Variants in SHANK1 observed in about 807,000 individuals in gnomAD.
SHANK1 encodes the protein SH3 and multiple ankyrin repeat domains 1.
A neutral mutation model predicts 165.6 loss-of-function variants in SHANK1; 35 were observed. The ratio of observed to expected loss-of-function variants is 0.21; its 90% CI spans 0.16 to 0.28. SHANK1 has a LOEUF of 0.28. Among genes scored for constraint, SHANK1 ranks in the 10% least tolerant of loss-of-function variants. SHANK1 has a pLI of 1.00. For missense variants in SHANK1, 2,681 were observed against 3,036.4 expected, an observed-to-expected ratio of 0.88 and a Z score of 2.75; for synonymous variants, 1,428 against 1,384.8, an observed-to-expected ratio of 1.03 and a Z score of -0.69.
At position 50,668,136 on chromosome 19, in the gene SHANK1, C is replaced by T; in HGVS notation, c.3824G>A (p.Gly1275Glu). The change falls in exon 23 of 24, where the codon GGG becomes GAG. Residue 1275 changes from glycine to glutamate, a missense_variant. Around this residue, in one of 10 missense-constraint regions of SHANK1, gnomAD observed 1,713 missense variants for 1,630.2 expected, o/e 1.05. Transcript: ENST00000293441. ...EDGGDGGLGT[G>E]AAPGPRLRHS... Reference sequence around the variant, plus strand: ...GCGCAGCCGCGGGCCCGGGGCCGCCCCTGTGCCCAGCCCGCCGTCCCCGCC... The same window carrying T: ...GCGCAGCCGCGGGCCCGGGGCCGCCTCTGTGCCCAGCCCGCCGTCCCCGCC... 6.8e-7 allele frequency: 1 copy of T among 1,471,582 alleles called. No homozygotes were observed. The allele number at this position is 1,471,582 out of a possible 1,614,324, so 91.2% of individuals were successfully genotyped here. A position where few individuals can be genotyped will look rare whatever the true frequency, so the allele number is the denominator to read the frequency against.
intron 21 of SHANK1, among the ~76,000 whole-genome samples, chr19:50,674,289 T>C (rs1015196210): frequency 1.3e-5 from 2 of 152,040 alleles, no homozygotes; most frequent in African/African-American, 4.8e-5. Flanking sequence ...GTCAGGCACT[T>C]CGGGGCCCTG....
chr19:50,677,509 C>T (rs1007015263), intron 21 of SHANK1, among the ~76,000 whole-genome samples: 34 of 152,286 alleles, frequency 2.2e-4, no homozygotes, highest in African/African-American at 7.5e-4. Flanking sequence ...CCCTCAGGTG[C>T]AGCAGAACCC....
chr19:50,710,731 C>G (rs571674965), intron 8 of SHANK1, among the ~76,000 whole-genome samples: 2 of 152,346 alleles, frequency 1.3e-5, no homozygotes, highest in East Asian at 3.9e-4. Flanking sequence ...TGCTAAAACT[C>G]CCATCCCACT....
In SHANK1 at chr19:50,702,717, G is replaced by A; in HGVS notation, c.1554-57C>T. 1 of 1,145,802 alleles carries A rather than the reference G, an allele frequency of 8.7e-7. No homozygotes were observed. Among genetic ancestry groups the A allele is most frequent in the Non-Finnish European group, 1.2e-6 (1 of 820,896 alleles). 71.0% of individuals were successfully genotyped at this position (1,145,802 alleles called of 1,614,324 possible). ...GGGTGGAGGGAGGGGACACCTCTGG[G>A]AGGACAGGGGTCCTTGGGTGGGGGA... On this transcript the variant is annotated intron_variant, in intron 11 of 23. Coordinates refer to ENST00000293441, the MANE Select transcript of SHANK1 (RefSeq NM_016148.5). The surrounding 1 kb of genome is among the most constrained non-coding windows in gnomAD (Gnocchi z 5.3).
Position 50,702,621 on chromosome 19 carries a change from C to T in SHANK1, c.1593G>A (p.Thr531=), listed in dbSNP as rs574357081. 95 of 1,587,280 alleles carry T rather than the reference C, an allele frequency of 6.0e-5. No individual in the cohort carries two copies. The African/African-American group carries it at 8.3e-4, about 14-fold the overall frequency. The change falls in exon 12 of 24, where the codon ACG becomes ACA. Residue 531 remains threonine (T), a synonymous_variant. Coordinates refer to ENST00000293441, the MANE Select transcript of SHANK1 (RefSeq NM_016148.5). The surrounding 1 kb of genome is among the most constrained non-coding windows in gnomAD (Gnocchi z 5.3). ...AGCCCCCGGGGCCCCCTGAGCCCCC[C>T]GTGCCCCCGGCTGGCCCTTCCCGGG... The part of the protein sequence containing the change: ...GTPREGPAGG[T]GGSGGPGGSL...
Position 50,668,120 on chromosome 19 carries a change from C to T in SHANK1, c.3840G>A (p.Pro1280=), listed in dbSNP as rs887704440. Residue 1280 remains proline (P), a synonymous_variant, in exon 23 of 24, where the codon CCG becomes CCA. Coordinates refer to ENST00000293441, the MANE Select transcript of SHANK1 (RefSeq NM_016148.5). ...GGLGTGAAPG[P]RLRHSKSIDE... ...CGATGGATTTGGAGTGGCGCAGCCG[C>T]GGGCCCGGGGCCGCCCCTGTGCCCA... is the stretch of plus-strand genomic sequence containing the variant. 2.0e-6 allele frequency: 3 copies of T among 1,475,440 alleles called. No individual in the cohort carries two copies. Among genetic ancestry groups the T allele is most frequent in the Non-Finnish European group, 2.7e-6 (3 of 1,119,022 alleles). The allele number at this position is 1,475,440 out of a possible 1,614,324, so 91.4% of individuals were successfully genotyped here.
At chr19:50,701,869 A>G (rs1986926239) in intron 12 of SHANK1, among the ~76,000 whole-genome samples, 2 of 152,218 alleles carry the variant, frequency 1.3e-5, no homozygotes, top group Admixed American at 1.3e-4. Context: ...TTCCAGATGA[A>G]GGTGGAAAAA....
chr19:50,686,711 G>T lies in SHANK1; in HGVS notation c.2458+33C>A. ...GCAGCGGGTGCCGGGGCTGGGGCCC[G>T]GCATCCCGAGGAGCAGGGCTGGGCC... On this transcript the variant is annotated intron_variant, in intron 20 of 23. Transcript: ENST00000293441. The surrounding 1 kb of genome is among the most constrained non-coding windows in gnomAD (Gnocchi z 5.7). The T allele has an allele frequency of 6.3e-7, 1 of 1,599,274 alleles. No homozygotes were observed. The highest frequency in any genetic ancestry group is 8.6e-7 in the Non-Finnish European group (1 of 1,168,032).
Position 50,716,481 on chromosome 19 carries a change from G to A in SHANK1, c.256-3C>T, listed in dbSNP as rs368597821. ...TCGGGGTTGAAGCGAAGGCATTTCT[G>A]GTTGGGGAAGAGATAGGGGCTAGGG... On this transcript the variant is annotated splice_polypyrimidine_tract_variant and splice_region_variant and intron_variant, in intron 2 of 23. Transcript: ENST00000293441. This position sits in a 1 kb window ranked among gnomAD's most constrained non-coding sequence, Gnocchi z 8.4. The A allele has an allele frequency of 6.8e-6, 11 of 1,613,988 alleles. No individual in the cohort carries two copies. The highest frequency in any genetic ancestry group is 1.3e-5 in the African/African-American group (1 of 75,032).
intron 21 of SHANK1, among the ~76,000 whole-genome samples, chr19:50,680,201 G>A (rs1335204870): frequency 6.6e-6 from 1 of 152,014 alleles, no homozygotes; most frequent in Non-Finnish European, 1.5e-5. Context: ...AGACAGAGAT[G>A]GGGCCTAGAA....
rs928754041 is a variant in SHANK1 at position 50,713,211 on chromosome 19, G to A, written c.792+587C>T. ...GTGAAGAGCAATCAGGTGTCCTGGCGGGGGCAGGGGGAGAAGAGTATTTTA... is the reference window on the plus strand; with the variant it reads ...GTGAAGAGCAATCAGGTGTCCTGGCAGGGGCAGGGGGAGAAGAGTATTTTA... On this transcript the variant is annotated intron_variant, in intron 6 of 23. Coordinates refer to ENST00000293441, the MANE Select transcript of SHANK1 (RefSeq NM_016148.5). The surrounding 1 kb of genome is among the most constrained non-coding windows in gnomAD (Gnocchi z 6.2). Among the ~76,000 whole-genome samples, 1 of 152,170 alleles carries A rather than the reference G, an allele frequency of 6.6e-6. No individual in the cohort carries two copies. The highest frequency in any genetic ancestry group is 1.5e-5 in the Non-Finnish European group (1 of 68,036).
intron 21 of SHANK1, among the ~76,000 whole-genome samples, chr19:50,676,523 G>A (rs147442123): frequency 3.3e-4 from 50 of 152,170 alleles, no homozygotes; most frequent in Middle Eastern, 3.4e-3. Flanking sequence ...GTTGAGGTTA[G>A]ACAGGTGATA....
At chr19:50,665,339 T>C (rs1985436330) in intron 23 of SHANK1, among the ~76,000 whole-genome samples, 1 of 151,742 alleles carries the variant, frequency 6.6e-6, no homozygotes, top group African/African-American at 2.4e-5. Flanking sequence ...CGAGGTGGGA[T>C]GAATCACCTT....
In SHANK1 at chr19:50,666,219, T is replaced by C; in HGVS notation, c.5741A>G (p.Glu1914Gly). 6.2e-7 allele frequency: 1 copy of C among 1,605,546 alleles called. No individual in the cohort carries two copies. The highest frequency in any genetic ancestry group is 8.5e-7 in the Non-Finnish European group (1 of 1,176,796). The change falls in exon 23 of 24, where the codon GAG (glutamate) becomes GGG (glycine). Residue 1914 changes from glutamate to glycine, a missense_variant. Glu to Gly is a moderately conservative substitution (Grantham distance 98, BLOSUM62 -2). Coordinates refer to ENST00000293441, the MANE Select transcript of SHANK1 (RefSeq NM_016148.5). ...CTGCCGCTGCAGGGAGGAGGTCCTC[T>C]CGGGGACATAGCTGGCTCCCCCGTG... ...SHHGGASYVP[E>G]RTSSLQRQRL... is the part of the protein sequence containing the mutation.
chr19:50,696,737 G>A (rs1178957522), intron 15 of SHANK1, among the ~76,000 whole-genome samples: 1 of 152,094 alleles, frequency 6.6e-6, no homozygotes, highest in African/African-American at 2.4e-5. Flanking sequence ...CATGCACAGA[G>A]AGGGACGGAT....
intron 15 of SHANK1, among the ~76,000 whole-genome samples, chr19:50,689,674 A>G (rs921292460): frequency 5.3e-5 from 8 of 152,092 alleles, no homozygotes; most frequent in South Asian, 2.1e-4. Flanking sequence ...CAGTTCCCTC[A>G]TCTATAATGG....
chr19:50,686,648 GGT>G lies in SHANK1; in HGVS notation c.2458+94_2458+95del. ...GATCGCAGCCTCTCTGGGGCAGGAA[GGT>G]GAGGGGCGCCGTGGGGTTCATGGTG... On this transcript the variant is annotated intron_variant, in intron 20 of 23. Transcript: ENST00000293441. The surrounding 1 kb of genome is among the most constrained non-coding windows in gnomAD (Gnocchi z 5.7). The G allele has an allele frequency of 8.4e-7, 1 of 1,196,130 alleles. No individual in the cohort carries two copies. Among genetic ancestry groups the G allele is most frequent in the Non-Finnish European group, 1.2e-6 (1 of 827,840 alleles). 74.1% of individuals were successfully genotyped at this position (1,196,130 alleles called of 1,614,324 possible).
rs13344266 is a variant in SHANK1 at position 50,706,807 on chromosome 19, C to T, written c.1078-2293G>A. Reference sequence around the variant, plus strand: ...TTAAAATTTTTTTGAGATGGAGTTTCGCTCTTGTCACCCAGGCTGGAGTGC... The same window carrying T: ...TTAAAATTTTTTTGAGATGGAGTTTTGCTCTTGTCACCCAGGCTGGAGTGC... On this transcript the variant is annotated intron_variant, in intron 8 of 23. Coordinates refer to ENST00000293441, the MANE Select transcript of SHANK1 (RefSeq NM_016148.5). 9.4e-3 allele frequency among the ~76,000 whole-genome samples: 1,419 copies of T among 151,586 alleles called. 25 individuals carry two copies. The highest frequency in any genetic ancestry group is 0.033 in the African/African-American group (1,352 of 41,308).
rs1555738728 is a variant in SHANK1, at chr19:50,661,851, G to GCAGTTC, written c.*113_*114insGAACTG. ...TGGCCTTGGGAGATGAGGGCAGGGCGCAGTTTGAACAGAGTCCCTGGCCCG... is the reference window on the plus strand; with the variant it reads ...TGGCCTTGGGAGATGAGGGCAGGGCGCAGTTCCAGTTTGAACAGAGTCCCTGGCCCG... On this transcript the variant is annotated 3_prime_UTR_variant, in exon 24 of 24. Transcript: ENST00000293441. 29 of 1,203,624 alleles carry GCAGTTC rather than the reference G, an allele frequency of 2.4e-5. 1 individual carries two copies. The highest frequency in any genetic ancestry group is 3.5e-5 in the Non-Finnish European group (29 of 839,136). The allele number at this position is 1,203,624 out of a possible 1,614,324, so 74.6% of individuals were successfully genotyped here. A position where few individuals can be genotyped will look rare whatever the true frequency, so the allele number is the denominator to read the frequency against.
Sources: gnomAD v4.1 joint callset for allele counts (sites outside exome capture counted in the v4.1 genomes callset) on GRCh38, gnomAD v4.1.1 for gene constraint, gnomAD v4.1.1 regional missense constraint, Gnocchi (gnomAD v3.1) non-coding constraint, MANE v1.5 for transcripts, NCBI Gene and HGNC (gene_info 2026-07-23, HGNC 2026-07-21) for gene names.